The following JCAD variants were observed in gnomAD, a reference collection of about 807,000 sequenced individuals.
The protein encoded by JCAD is junctional cadherin 5-associated protein.
JCAD carries 40 observed loss-of-function variants against 98.0 expected under a neutral mutation model. The observed-to-expected ratio is 0.41, with a 90% CI of 0.32 to 0.53. The LOEUF (loss-of-function observed/expected upper bound fraction) is 0.53. JCAD is among the 20% of genes least tolerant of loss of function. JCAD has a pLI of 0.31. For missense variants in JCAD, 1,705 were observed against 1,738.1 expected, an observed-to-expected ratio of 0.98 and a Z score of 0.34; for synonymous variants, 691 against 682.3, an observed-to-expected ratio of 1.01 and a Z score of -0.20.
intron 1 of JCAD, among the ~76,000 whole-genome samples, chr10:30,071,734 C>T (rs1489465708): frequency 3.3e-5 from 5 of 152,088 alleles, no homozygotes; most frequent in Non-Finnish European, 5.9e-5. Flanking sequence ...GCCAAGATCG[C>T]ACCACTGAAC....
intron 1 of JCAD, among the ~76,000 whole-genome samples, chr10:30,058,402 T>G (rs1837625051): frequency 6.7e-6 from 1 of 150,372 alleles, no homozygotes; most frequent in African/African-American, 2.5e-5. Context: ...TGTGGGGAGG[T>G]GATGTGCCCA....
At chr10:30,055,775 G>A (rs1424454126) in intron 1 of JCAD, among the ~76,000 whole-genome samples, 1 of 152,170 alleles carries the variant, frequency 6.6e-6, no homozygotes, top group African/African-American at 2.4e-5. Context: ...AAAGGACCTT[G>A]GAACATTAAT....
At chr10:30,064,306 C>G (rs1312761390), upstream of JCAD, among the ~76,000 whole-genome samples, 1 of 152,106 alleles carries the variant, frequency 6.6e-6, no homozygotes, top group South Asian at 2.1e-4. Flanking sequence ...ATGCCCTATA[C>G]CACCTTAGGT....
intron 2 of JCAD, among the ~76,000 whole-genome samples, chr10:30,067,711 A>T (rs1243664166): frequency 6.6e-6 from 1 of 152,238 alleles, no homozygotes; most frequent in African/African-American, 2.4e-5. Flanking sequence ...ACAAAAGGGT[A>T]GCACTTACTA....
intron 3 of JCAD, among the ~76,000 whole-genome samples, 157 bp from the exon 4 acceptor site, chr10:30,018,074 A>G (rs1052687247): frequency 6.6e-6 from 1 of 152,254 alleles, no homozygotes; most frequent in African/African-American, 2.4e-5. Flanking sequence ...ACTAAGGAGT[A>G]AAAAACTATT....
At chr10:30,019,892 A>T (rs1299193924) in intron 3 of JCAD, among the ~76,000 whole-genome samples, 2 of 151,878 alleles carry the variant, frequency 1.3e-5, no homozygotes, top group Admixed American at 6.6e-5. Flanking sequence ...CCTTAAATAT[A>T]TGCAATTTTT....
intron 1 of JCAD, among the ~76,000 whole-genome samples, chr10:30,086,528 C>T (rs1838169396): frequency 6.6e-6 from 1 of 152,236 alleles, no homozygotes; most frequent in Non-Finnish European, 1.5e-5. Flanking sequence ...GCAGTGAATT[C>T]AGCAGGCTGA....
At chr10:30,018,272 TTTCTTCTTC>T (rs368491408) in intron 3 of JCAD, among the ~76,000 whole-genome samples, 8 of 148,762 alleles carry the variant, frequency 5.4e-5, no homozygotes, top group Non-Finnish European at 8.9e-5. Flanking sequence ...CTTATCTTTC[TTTCTTCTTC>T]TTCTTCTTCT....
At chr10:30,052,341 G>C (rs117590103) in intron 1 of JCAD, among the ~76,000 whole-genome samples, 2 of 152,338 alleles carry the variant, frequency 1.3e-5, no homozygotes, top group Non-Finnish European at 2.9e-5. Context: ...GGCTGAACTA[G>C]AGGTTCTTTA....
At chr10:30,108,864 AAGG>A (rs1838637187) in intron 1 of JCAD, among the ~76,000 whole-genome samples, 2 of 152,214 alleles carry the variant, frequency 1.3e-5, no homozygotes, top group South Asian at 4.2e-4. Flanking sequence ...AAAAAAAAAA[AAGG>A]AAAAAGTAGC....
intron 1 of JCAD, among the ~76,000 whole-genome samples, chr10:30,108,477 G>A (rs1033084477): frequency 2.6e-5 from 4 of 152,116 alleles, no homozygotes; most frequent in African/African-American, 7.2e-5. Context: ...ATGGGGCGAC[G>A]AGAATTTTAT....
At chr10:30,020,510 C>T (rs931896278) in intron 3 of JCAD, among the ~76,000 whole-genome samples, 21 of 152,108 alleles carry the variant, frequency 1.4e-4, no homozygotes, top group African/African-American at 1.2e-4. Flanking sequence ...ACAGGTATCA[C>T]GACTGTGATG....
Position 30,029,353 on chromosome 10 carries a change from G to C in JCAD, c.795C>G (p.Cys265Trp). Residue 265 changes from cysteine to tryptophan, a missense_variant, in exon 3 of 4, where the codon TGC becomes TGG. This residue lies in a region of JCAD where 275 missense variants were observed against 346.9 expected (regional missense o/e 0.79). Coordinates refer to ENST00000375377, the MANE Select transcript of JCAD (RefSeq NM_020848.4). ...SPKMPPYPPT[C>W]APNLDSTRNS... ...TCCTCGTGGAGTCCAAATTTGGTGC[G>C]CAAGTGGGAGGATACGGTGGCATTT... The C allele has an allele frequency of 2.5e-6, 4 of 1,614,122 alleles. No homozygotes were observed. Among genetic ancestry groups the C allele is most frequent in the Non-Finnish European group, 3.4e-6 (4 of 1,180,018 alleles).
chr10:30,072,739 G>A (rs1159391645), intron 1 of JCAD, among the ~76,000 whole-genome samples: 2 of 151,696 alleles, frequency 1.3e-5, no homozygotes, highest in Non-Finnish European at 2.9e-5. Flanking sequence ...TGCAACCTTC[G>A]CCTCCTGGGT....
intron 3 of JCAD, among the ~76,000 whole-genome samples, chr10:30,019,872 A>G (rs572373423): frequency 6.6e-6 from 1 of 152,038 alleles, no homozygotes; most frequent in African/African-American, 2.4e-5. Context: ...TCAAAACACC[A>G]TGTTCTATAC....
At chr10:30,050,040 G>A (rs907017359) in intron 1 of JCAD, among the ~76,000 whole-genome samples, 22 of 152,056 alleles carry the variant, frequency 1.4e-4, no homozygotes, top group Non-Finnish European at 2.9e-4. Context: ...ATGGGGCCAG[G>A]CACAGTGGCT....
chr10:30,070,994 C>T (rs1488742143), intron 1 of JCAD, among the ~76,000 whole-genome samples: 2 of 152,204 alleles, frequency 1.3e-5, no homozygotes, highest in Admixed American at 6.5e-5. Context: ...CAACCTCCCC[C>T]TCCCGAGTTC....
rs755568990 is a variant in JCAD at position 30,028,424 on chromosome 10, A to C, written c.1724T>G (p.Met575Arg). ...TRTKKSSKKK[M>R]NETIFCLVSI... is the part of the protein sequence containing the mutation. ...AACCAAGCAAAATATAGTCTCGTTCATTTTTTTCTTTGAACTTTTCTTGGT... is the reference window on the plus strand; with the variant it reads ...AACCAAGCAAAATATAGTCTCGTTCCTTTTTTTCTTTGAACTTTTCTTGGT... The change falls in exon 3 of 4, where the codon ATG (methionine) becomes AGG (arginine). Residue 575 changes from methionine to arginine, a missense_variant. This residue lies in a region of JCAD where 1,278 missense variants were observed against 1,243.1 expected (regional missense o/e 1.03). Coordinates refer to ENST00000375377, the MANE Select transcript of JCAD (RefSeq NM_020848.4). 2 of 1,613,996 alleles carry C rather than the reference A, an allele frequency of 1.2e-6. No individual in the cohort carries two copies. Among genetic ancestry groups the C allele is most frequent in the East Asian group, 4.5e-5 (2 of 44,878 alleles).
chr10:30,028,826 C>T lies in JCAD; in HGVS notation c.1322G>A (p.Gly441Asp), dbSNP rs200773314. 12 of 1,614,100 alleles carry T rather than the reference C, an allele frequency of 7.4e-6. No homozygotes were observed. The highest frequency in any genetic ancestry group is 2.7e-5 in the African/African-American group (2 of 74,920). Residue 441 changes from glycine to aspartate, a missense_variant, in exon 3 of 4, where the codon GGT becomes GAT. Gly to Asp is a moderately conservative substitution (Grantham distance 94). Coordinates refer to ENST00000375377, the MANE Select transcript of JCAD (RefSeq NM_020848.4). ...GTCAAGCTTTATGTCTTCACAGAAA[C>T]CCTGGGGCTGAGCTAGTTTAAAATG... ...LRHFKLAQPQ[G>D]FCEDIKLDDK...
Sources: allele counts gnomAD v4.1 joint callset (sites outside exome capture counted in the v4.1 genomes callset), GRCh38; gene constraint gnomAD v4.1.1; regional missense constraint gnomAD v4.1.1; transcripts MANE v1.5; gene names NCBI Gene and HGNC (gene_info 2026-07-23, HGNC 2026-07-21).